The following ADGRL3 variants were observed in gnomAD, a reference collection of about 807,000 sequenced individuals.
ADGRL3 encodes the protein adhesion G protein-coupled receptor L3.
ADGRL3 carries 62 observed loss-of-function variants against 153.5 expected under a neutral mutation model. The observed-to-expected ratio is 0.40, with a 90% CI of 0.33 to 0.50. The LOEUF is 0.50. ADGRL3 is among the 20% of genes least tolerant of loss of function. The pLI is 0.47. For synonymous variants in ADGRL3, 710 were observed against 672.5 expected, an observed-to-expected ratio of 1.06 and a Z score of -0.86; for missense variants, 1,641 against 1,859.4, an observed-to-expected ratio of 0.88 and a Z score of 2.16.
At chr4:61,324,816 C>T (rs570110599) in intron 1 of ADGRL3, among the ~76,000 whole-genome samples, 1 of 152,224 alleles carries the variant, frequency 6.6e-6, no homozygotes, top group Non-Finnish European at 1.5e-5. Flanking sequence ...TTGGCTCTTA[C>T]TATTCCTGTT....
At chr4:61,442,845 T>G (rs1019908194) in intron 2 of ADGRL3, among the ~76,000 whole-genome samples, 3 of 152,174 alleles carry the variant, frequency 2.0e-5, no homozygotes, top group Non-Finnish European at 4.4e-5. Context: ...CCATATATTT[T>G]TTATTATAGT....
At chr4:61,472,156 A>C (rs1379756681) in intron 2 of ADGRL3, among the ~76,000 whole-genome samples, 1 of 152,154 alleles carries the variant, frequency 6.6e-6, no homozygotes, top group African/African-American at 2.4e-5. Context: ...TGCTGTGGGA[A>C]GAATGAAGTG....
chr4:62,059,862 T>G (rs574449047), intron 25 of ADGRL3, among the ~76,000 whole-genome samples: 1 of 152,282 alleles, frequency 6.6e-6, no homozygotes, highest in Non-Finnish European at 1.5e-5. Flanking sequence ...GAACTAACTG[T>G]CTTCTCAGAT....
At chr4:61,487,046 A>G (rs1201595852) in intron 2 of ADGRL3, among the ~76,000 whole-genome samples, 2 of 152,204 alleles carry the variant, frequency 1.3e-5, no homozygotes, top group South Asian at 2.1e-4. Flanking sequence ...GTGTATAGCT[A>G]TACTCTAGGT....
Position 61,830,929 on chromosome 4 carries a change from C to T in ADGRL3, c.1480+17040C>T, listed in dbSNP as rs112093273. Among the ~76,000 whole-genome samples the T allele has an allele frequency of 6.2e-4, 95 of 152,152 alleles. No homozygotes were observed. In the Middle Eastern group the frequency reaches 0.01, roughly 16 times the overall value. On this transcript the variant is annotated intron_variant, in intron 9 of 26. Coordinates refer to ENST00000683033, the MANE Select transcript of ADGRL3 (RefSeq NM_001387552.1). The stretch of plus-strand genomic sequence containing the variant: ...TTTTTTGAGACAGTCTTGCTGTGTG[C>T]CCAGGCTGGAGTGCAGTGGCGCCAT...
At chr4:61,799,444 T>C (rs1379675862) in intron 8 of ADGRL3, among the ~76,000 whole-genome samples, 2 of 152,094 alleles carry the variant, frequency 1.3e-5, no homozygotes, top group Non-Finnish European at 2.9e-5. Context: ...CTGTATGTTT[T>C]TTTCTTCTAA....
At chr4:61,506,077 A>G (rs1190691198) in intron 3 of ADGRL3, among the ~76,000 whole-genome samples, 1 of 152,080 alleles carries the variant, frequency 6.6e-6, no homozygotes, top group Non-Finnish European at 1.5e-5. Context: ...AAAGATCTTA[A>G]GCCTTAGAGT....
At chr4:61,671,804 A>G (rs965216910) in intron 5 of ADGRL3, among the ~76,000 whole-genome samples, 5 of 152,124 alleles carry the variant, frequency 3.3e-5, no homozygotes, top group Non-Finnish European at 5.9e-5. Context: ...CATGAAATGT[A>G]TGACTCATTC....
At chr4:61,377,896 GCTT>G (rs2096623472) in intron 1 of ADGRL3, among the ~76,000 whole-genome samples, 1 of 151,758 alleles carries the variant, frequency 6.6e-6, no homozygotes, top group Non-Finnish European at 1.5e-5. Context: ...GTGTGCTTTT[GCTT>G]CCATTTAATT....
chr4:61,937,081 G>T (rs768225887), intron 15 of ADGRL3, among the ~76,000 whole-genome samples: 4 of 152,178 alleles, frequency 2.6e-5, no homozygotes, highest in Non-Finnish European at 5.9e-5. Context: ...ACAGCAATAA[G>T]ATTCAGTAGA....
At chr4:61,284,464 C>CT (rs1019872769) in intron 1 of ADGRL3, among the ~76,000 whole-genome samples, 1 of 151,862 alleles carries the variant, frequency 6.6e-6, no homozygotes, top group Non-Finnish European at 1.5e-5. Context: ...CCAATAAAGC[C>CT]TACACCACTA....
intron 4 of ADGRL3, among the ~76,000 whole-genome samples, chr4:61,573,311 A>G (rs1305057559): frequency 6.6e-6 from 1 of 151,946 alleles, no homozygotes; most frequent in Non-Finnish European, 1.5e-5. Context: ...AATTTGTGTT[A>G]TCATCATTAA....
At chr4:61,927,456 A>G (rs1021941462) in intron 13 of ADGRL3, among the ~76,000 whole-genome samples, 12 of 152,088 alleles carry the variant, frequency 7.9e-5, no homozygotes, top group African/African-American at 2.9e-4. Context: ...CCCTATTACT[A>G]TATTAAGGTC....
rs146965409 is a variant in ADGRL3 at position 61,452,315 on chromosome 4, C to A, written c.-173-44806C>A. 7.0e-3 allele frequency among the ~76,000 whole-genome samples: 718 copies of A among 102,162 alleles called. 5 individuals carry two copies. The highest frequency in any genetic ancestry group is 0.023 in the African/African-American group (666 of 28,356). 67.0% of individuals were successfully genotyped at this position (102,162 alleles called of 152,430 possible). A position where few individuals can be genotyped will look rare whatever the true frequency, so the allele number is the denominator to read the frequency against. ...TTATACTCGTAACAGTTCATCCTTG[C>A]CTTCTGCCCAGTTCTGCTTCCCTTC... On this transcript the variant is annotated intron_variant, in intron 2 of 26. Transcript: ENST00000683033.
rs572544257 is a variant in ADGRL3, at chr4:61,231,764, T to A, written c.-240+29999T>A. Among the ~76,000 whole-genome samples, 3 of 152,096 alleles carry A rather than the reference T, an allele frequency of 2.0e-5. No individual in the cohort carries two copies. The South Asian group carries it at 6.2e-4, about 32-fold the overall frequency. ...AATGTTCTTCATTTTATCCTTTGGG[T>A]CCAACCAGCCTCCCGGCACGTGGTA... On this transcript the variant is annotated intron_variant, in intron 1 of 26. Coordinates refer to ENST00000683033, the MANE Select transcript of ADGRL3 (RefSeq NM_001387552.1).
chr4:61,371,326 C>T lies in ADGRL3; in HGVS notation c.-239-11798C>T, dbSNP rs878930783. On this transcript the variant is annotated intron_variant, in intron 1 of 26. Transcript: ENST00000683033. ...AGTTGATGCAGTTTCTTCCTAGTCT[C>T]GATGGTCTTTACATTTTGGCATGAT... is the stretch of plus-strand genomic sequence containing the variant. Among the ~76,000 whole-genome samples, 724 of 150,864 alleles carry T rather than the reference C, an allele frequency of 4.8e-3. 9 individuals carry two copies. The highest frequency in any genetic ancestry group is 0.017 in the African/African-American group (694 of 41,122).
chr4:61,208,194 A>G (rs1476378536), intron 1 of ADGRL3, among the ~76,000 whole-genome samples: 1 of 152,144 alleles, frequency 6.6e-6, no homozygotes, highest in South Asian at 2.1e-4. Context: ...TTTGATATCT[A>G]GAAAGGCAGA....
chr4:62,012,378 G>T (rs1243257882), intron 21 of ADGRL3, among the ~76,000 whole-genome samples: 1 of 152,142 alleles, frequency 6.6e-6, no homozygotes, highest in Non-Finnish European at 1.5e-5. Context: ...AGAATAGTTA[G>T]TTCATTGACG....
intron 9 of ADGRL3, among the ~76,000 whole-genome samples, chr4:61,872,408 CT>C (rs10715924): frequency 0.74 from 98,777 of 132,978 alleles, 36,228 homozygotes; most frequent in East Asian, 0.81. Flanking sequence ...TCCTTCTTTC[CT>C]TTTTTTTTTT....
Sources: allele counts gnomAD v4.1 joint callset (sites outside exome capture counted in the v4.1 genomes callset), GRCh38; gene constraint gnomAD v4.1.1; transcripts MANE v1.5; gene names NCBI Gene and HGNC (gene_info 2026-07-23, HGNC 2026-07-21).